EHD4: variants seen among roughly 807,000 people sequenced by gnomAD.
The protein encoded by EHD4 is EH domain containing 4.
EHD4 carries 37 observed loss-of-function variants against 51.0 expected under a neutral mutation model. The ratio of observed to expected loss-of-function variants is 0.73; its 90% CI spans 0.56 to 0.95. EHD4 has a LOEUF of 0.95. Ranked by LOEUF, EHD4 falls within the 40% of genes least tolerant of loss-of-function variation. The pLI is 0.00. For missense variants in EHD4, 632 were observed against 733.1 expected, an observed-to-expected ratio of 0.86 and a Z score of 1.59; for synonymous variants, 297 against 317.3, an observed-to-expected ratio of 0.94 and a Z score of 0.68.
chr15:41,951,599 T>C (rs527811099), intron 2 of EHD4, among the ~76,000 whole-genome samples: 7 of 152,362 alleles, frequency 4.6e-5, no homozygotes, highest in African/African-American at 1.7e-4. Flanking sequence ...TGGCAGCTTA[T>C]TTCGTTAAGC....
chr15:41,946,498 TG>T (rs1252596085), intron 2 of EHD4, among the ~76,000 whole-genome samples: 1 of 151,848 alleles, frequency 6.6e-6, no homozygotes, highest in Non-Finnish European at 1.5e-5. Flanking sequence ...GGAGGCTGAG[TG>T]GGGACGATCT....
At chr15:41,971,199 G>T (rs937457995) in intron 1 of EHD4, among the ~76,000 whole-genome samples, 2 of 152,146 alleles carry the variant, frequency 1.3e-5, no homozygotes, top group African/African-American at 4.8e-5. Flanking sequence ...AAAAGAGGTC[G>T]CTACTTAACA....
intron 5 of EHD4, among the ~76,000 whole-genome samples, chr15:41,901,723 C>T (rs1227974863): frequency 5.9e-5 from 9 of 152,112 alleles, no homozygotes; most frequent in Non-Finnish European, 1.3e-4. Context: ...ACCTTGTTTT[C>T]GGAACACGTA....
chr15:41,946,521 G>A (rs1390500117), intron 2 of EHD4, among the ~76,000 whole-genome samples: 1 of 152,138 alleles, frequency 6.6e-6, no homozygotes, highest in Admixed American at 6.5e-5. Flanking sequence ...TTGAACCCAG[G>A]AGTTCAAGAC....
At chr15:41,949,051 T>TATATATATACACAC (rs1491135423) in intron 2 of EHD4, among the ~76,000 whole-genome samples, 39 of 109,420 alleles carry the variant, frequency 3.6e-4, no homozygotes, top group Non-Finnish European at 5.7e-4. Flanking sequence ...TATATATATA[T>TATATATATACACAC]ACACACATAC....
At chr15:41,915,619 T>C (rs985214862) in intron 4 of EHD4, among the ~76,000 whole-genome samples, 2 of 152,254 alleles carry the variant, frequency 1.3e-5, no homozygotes, top group Non-Finnish European at 2.9e-5. Context: ...TGGGGTCTGA[T>C]AGTGAACTTG....
At chr15:41,922,001 C>G (rs1378640444) in intron 3 of EHD4, among the ~76,000 whole-genome samples, 1 of 152,194 alleles carries the variant, frequency 6.6e-6, no homozygotes, top group Admixed American at 6.5e-5. Context: ...AAGCCTAGTT[C>G]TCCAACTTTC....
chr15:41,958,802 C>G (rs778200166), intron 1 of EHD4, among the ~76,000 whole-genome samples: 11 of 152,132 alleles, frequency 7.2e-5, no homozygotes, highest in Non-Finnish European at 1.6e-4. Context: ...CTCATTTCAT[C>G]CTAACTACCT....
In EHD4 at chr15:41,959,395, C is replaced by CA. The variant is rs36120701; in HGVS notation, c.237-5456dup. Among the ~76,000 whole-genome samples the CA allele has an allele frequency of 3.6e-3, 242 of 66,382 alleles. 20 individuals carry two copies. The highest frequency in any genetic ancestry group is 0.013 in the East Asian group (25 of 1,996). The allele number at this position is 66,382 out of a possible 152,430, so 43.5% of individuals were successfully genotyped here. A position where few individuals can be genotyped will look rare whatever the true frequency, so the allele number is the denominator to read the frequency against. ...TGGGTGACAGAGCAAGACTTTGTCT[C>CA]AAAAAAAAAAAAAAAAAAAAAAAAA... On this transcript the variant is annotated intron_variant, in intron 1 of 5. Coordinates refer to ENST00000220325, the MANE Select transcript of EHD4 (RefSeq NM_139265.4).
intron 1 of EHD4, among the ~76,000 whole-genome samples, chr15:41,969,459 T>C (rs1566829213): frequency 6.6e-6 from 1 of 152,096 alleles, no homozygotes; most frequent in Non-Finnish European, 1.5e-5. Context: ...GACAGAAGAA[T>C]TGCTTGAACC....
At chr15:41,925,208 A>T (rs1308921349) in intron 3 of EHD4, among the ~76,000 whole-genome samples, 1 of 152,222 alleles carries the variant, frequency 6.6e-6, no homozygotes, top group Non-Finnish European at 1.5e-5. Context: ...TGCTGAATGG[A>T]CCAGGAAGTT....
chr15:41,899,867 T>C lies in EHD4; in HGVS notation c.*778A>G, dbSNP rs1418241150. On this transcript the variant is annotated 3_prime_UTR_variant, in exon 6 of 6. Transcript: ENST00000220325. ...TTTCAGGCTTCAATGTGATTTGACA[T>C]GCAAACGGGAAGTTTTGCCAGGGGT... 6 of 152,244 alleles carry C rather than the reference T, an allele frequency of 3.9e-5. No homozygotes were observed. Among genetic ancestry groups the C allele is most frequent in the African/African-American group, 1.4e-4 (6 of 41,462 alleles). The allele number at this position is 152,244 out of a possible 1,614,324, so 9.4% of individuals were successfully genotyped here.
chr15:41,932,533 A>C, intron 3 of EHD4, among the ~76,000 whole-genome samples: 1 of 152,302 alleles, frequency 6.6e-6, no homozygotes, highest in South Asian at 2.1e-4. Flanking sequence ...AATTTTGAGA[A>C]AGAGACTAAG....
At chr15:41,923,995 A>G (rs780576281) in intron 3 of EHD4, among the ~76,000 whole-genome samples, 1 of 152,248 alleles carries the variant, frequency 6.6e-6, no homozygotes, top group Non-Finnish European at 1.5e-5. Flanking sequence ...TAAGTTAGAC[A>G]TTACTTAACG....
intron 1 of EHD4, among the ~76,000 whole-genome samples, chr15:41,965,845 G>A (rs1050106697): frequency 2.6e-5 from 4 of 152,236 alleles, no homozygotes; most frequent in African/African-American, 9.6e-5. Flanking sequence ...CTGCTTGTCA[G>A]GTGGATGATG....
intron 4 of EHD4, among the ~76,000 whole-genome samples, chr15:41,910,319 G>C (rs1218299825): frequency 6.6e-6 from 1 of 152,206 alleles, no homozygotes; most frequent in East Asian, 1.9e-4. Context: ...TGTTATGGGA[G>C]GTTTAGACTC....
chr15:41,961,713 C>T (rs971994242), intron 1 of EHD4, among the ~76,000 whole-genome samples: 5 of 152,076 alleles, frequency 3.3e-5, no homozygotes, highest in African/African-American at 9.7e-5. Context: ...TTTCTTAATG[C>T]AATTAATTTA....
intron 1 of EHD4, among the ~76,000 whole-genome samples, chr15:41,957,580 T>G (rs1290369699): frequency 6.6e-6 from 1 of 152,146 alleles, no homozygotes; most frequent in Non-Finnish European, 1.5e-5. Flanking sequence ...CTGGTCAAAC[T>G]CACAGGGTGG....
intron 4 of EHD4, among the ~76,000 whole-genome samples, chr15:41,915,848 C>G (rs1029827044): frequency 3.3e-5 from 5 of 151,982 alleles, no homozygotes; most frequent in African/African-American, 1.2e-4. Flanking sequence ...TTGAGGCTAA[C>G]CAAAAACCCA....
Sources: allele counts gnomAD v4.1 joint callset (sites outside exome capture counted in the v4.1 genomes callset), GRCh38; gene constraint gnomAD v4.1.1; transcripts MANE v1.5; gene names NCBI Gene and HGNC (gene_info 2026-07-23, HGNC 2026-07-21).